The following DLGAP2 variants were observed in gnomAD, a reference collection of about 807,000 sequenced individuals.
The protein encoded by DLGAP2 is DLG associated protein 2, also known as disks large-associated protein 2.
A neutral mutation model predicts 100.3 loss-of-function variants in DLGAP2; 26 were observed. That is an observed-to-expected ratio of 0.26 (90% CI 0.19 to 0.36). The LOEUF is 0.36. Among genes scored for constraint, DLGAP2 ranks in the 10% least tolerant of loss-of-function variants. The pLI, the probability that DLGAP2 is intolerant of heterozygous loss-of-function variation, is 1.00. For missense variants in DLGAP2, 1,858 were observed against 1,453.2 expected (o/e 1.28, Z -4.53); for synonymous variants, 886 against 630.1 (o/e 1.41, Z -6.08).
intron 5 of DLGAP2, among the ~76,000 whole-genome samples, chr8:1,559,141 T>C (rs746081268): frequency 3.3e-5 from 5 of 152,216 alleles, no homozygotes; most frequent in Non-Finnish European, 7.4e-5. Context: ...TGCCTTTTTG[T>C]TAGAAATTAT....
chr8:1,047,180 ACTTTCT>A (rs1407780367), intron 2 of DLGAP2, among the ~76,000 whole-genome samples: 9 of 152,194 alleles, frequency 5.9e-5, no homozygotes, highest in Non-Finnish European at 1.0e-4. Flanking sequence ...ACACCAGCAG[ACTTTCT>A]CTTTCTATAG....
intron 10 of DLGAP2, among the ~76,000 whole-genome samples, chr8:1,674,264 C>T (rs1798758585): frequency 1.3e-5 from 2 of 152,182 alleles, no homozygotes; most frequent in African/African-American, 4.8e-5. Context: ...AGGCTGGTCT[C>T]TAACGCCTAG....
intron 3 of DLGAP2, among the ~76,000 whole-genome samples, chr8:1,345,981 G>A (rs1016947555): frequency 6.6e-6 from 1 of 152,176 alleles, no homozygotes; most frequent in African/African-American, 2.4e-5. Context: ...ATAGAAACAG[G>A]GTCCAGACTC....
intron 3 of DLGAP2, among the ~76,000 whole-genome samples, chr8:1,483,585 C>T (rs1001075768): frequency 8.5e-5 from 11 of 130,086 alleles, no homozygotes; most frequent in African/African-American, 3.4e-4. Flanking sequence ...GGGAGGCAGG[C>T]GCAGAACGTG....
intron 2 of DLGAP2, among the ~76,000 whole-genome samples, chr8:1,131,521 C>A (rs1455856313): frequency 6.6e-6 from 1 of 152,188 alleles, no homozygotes; most frequent in Non-Finnish European, 1.5e-5. Flanking sequence ...CCTCATCCCA[C>A]CCGAATCACT....
chr8:1,649,976 A>G (rs932831875), intron 8 of DLGAP2, among the ~76,000 whole-genome samples: 1 of 152,244 alleles, frequency 6.6e-6, no homozygotes, highest in Non-Finnish European at 1.5e-5. Context: ...CTGAAAGATC[A>G]TGGTTGACAT....
chr8:1,203,375 C>A (rs557272458), intron 2 of DLGAP2, among the ~76,000 whole-genome samples: 1 of 151,698 alleles, frequency 6.6e-6, no homozygotes, highest in Non-Finnish European at 1.5e-5. Context: ...ACTGGCGTGT[C>A]CTTCGGTGAC....
At chr8:1,265,868 A>C (rs1425278903) in intron 3 of DLGAP2, among the ~76,000 whole-genome samples, 1 of 152,236 alleles carries the variant, frequency 6.6e-6, no homozygotes, top group African/African-American at 2.4e-5. Context: ...AGGGGAGGGG[A>C]GAGAAAAAGG....
chr8:916,912 G>T lies in DLGAP2; in HGVS notation c.73+8946G>T, dbSNP rs1024185237. On this transcript the variant is annotated intron_variant, in intron 2 of 14. Coordinates refer to ENST00000637795, the MANE Select transcript of DLGAP2 (RefSeq NM_001346810.2). ...AAGATGATCCTGGCACTGATGCCCGGGAGGGCACACCCAGGGCTCAGCCTC... is the reference window on the plus strand; with the variant it reads ...AAGATGATCCTGGCACTGATGCCCGTGAGGGCACACCCAGGGCTCAGCCTC... Among the ~76,000 whole-genome samples, 8 of 152,190 alleles carry T rather than the reference G, an allele frequency of 5.3e-5. 1 individual carries two copies. The highest frequency in any genetic ancestry group is 1.9e-4 in the African/African-American group (8 of 41,456).
intron 3 of DLGAP2, among the ~76,000 whole-genome samples, chr8:1,443,058 C>T (rs1439854746): frequency 6.6e-6 from 1 of 152,178 alleles, no homozygotes; most frequent in Non-Finnish European, 1.5e-5. Context: ...CTTTGTTAGA[C>T]AACCCTTAGT....
intron 2 of DLGAP2, among the ~76,000 whole-genome samples, chr8:1,038,812 T>A (rs1802207087): frequency 6.6e-6 from 1 of 152,234 alleles, no homozygotes; most frequent in Admixed American, 6.5e-5. Flanking sequence ...CATTTGCTCA[T>A]GGAAACATCC....
chr8:1,123,693 G>A (rs7011550), intron 2 of DLGAP2, among the ~76,000 whole-genome samples: 111,766 of 151,946 alleles, frequency 0.74, 42,477 homozygotes, highest in Non-Finnish European at 0.84. Flanking sequence ...TTTTCTCTAT[G>A]TACAACCTCT....
At chr8:1,308,918 AT>A (rs886437625) in intron 3 of DLGAP2, among the ~76,000 whole-genome samples, 28 of 151,824 alleles carry the variant, frequency 1.8e-4, no homozygotes, top group East Asian at 9.7e-4. Context: ...GATCCAAATT[AT>A]TTTTTTTTAA....
chr8:1,309,911 A>T (rs1174361287), intron 3 of DLGAP2, among the ~76,000 whole-genome samples: 1 of 152,178 alleles, frequency 6.6e-6, no homozygotes, highest in Non-Finnish European at 1.5e-5. Flanking sequence ...CCTAGCCAAC[A>T]TGGTGAAAAC....
At chr8:1,433,240 C>T (rs1415452895) in intron 3 of DLGAP2, among the ~76,000 whole-genome samples, 2 of 152,224 alleles carry the variant, frequency 1.3e-5, no homozygotes, top group East Asian at 3.8e-4. Flanking sequence ...GAAGATGCTT[C>T]CTGTGCCTCT....
At chr8:1,599,547 A>T (rs534870231) in intron 6 of DLGAP2, among the ~76,000 whole-genome samples, 96 of 152,074 alleles carry the variant, frequency 6.3e-4, no homozygotes, top group African/African-American at 2.2e-3. Flanking sequence ...GTCCTCCTGT[A>T]TTGGGTGCTC....
intron 2 of DLGAP2, among the ~76,000 whole-genome samples, chr8:1,203,034 C>G (rs1797913235): frequency 1.3e-5 from 2 of 152,344 alleles, no homozygotes; most frequent in South Asian, 4.1e-4. Flanking sequence ...GCCGGGCACC[C>G]ACATCCACGC....
chr8:1,335,205 G>A (rs939526560), intron 3 of DLGAP2, among the ~76,000 whole-genome samples: 1 of 152,066 alleles, frequency 6.6e-6, no homozygotes, highest in Admixed American at 6.6e-5. Context: ...TTCTCTCTCA[G>A]TCTACACCGA....
At chr8:1,275,506 C>G (rs557044047) in intron 3 of DLGAP2, among the ~76,000 whole-genome samples, 12 of 151,926 alleles carry the variant, frequency 7.9e-5, no homozygotes, top group African/African-American at 2.4e-4. Flanking sequence ...GCGTCAATCC[C>G]AGATGCAGGT....
Sources: gnomAD v4.1 joint callset for allele counts (sites outside exome capture counted in the v4.1 genomes callset) on GRCh38, gnomAD v4.1.1 for gene constraint, MANE v1.5 for transcripts, NCBI Gene and HGNC (gene_info 2026-07-23, HGNC 2026-07-21) for gene names.